Variants in CTNNAL1 observed in about 807,000 individuals in gnomAD.
CTNNAL1 encodes the protein catenin alpha like 1.
In CTNNAL1, 69 loss-of-function variants were observed where a neutral mutation model predicts 93.6. The ratio of observed to expected loss-of-function variants is 0.74; its 90% CI spans 0.61 to 0.90. The LOEUF is 0.90. Ranked by LOEUF, CTNNAL1 falls within the 40% of genes least tolerant of loss-of-function variation. The probability of loss-of-function intolerance (pLI) is 0.00; values close to 1 mark genes in which losing one functional copy is unlikely to be tolerated. For missense variants in CTNNAL1, 836 were observed against 862.0 expected (o/e 0.97, Z 0.38); for synonymous variants, 286 against 305.4 (o/e 0.94, Z 0.66).
intron 1 of CTNNAL1, among the ~76,000 whole-genome samples, chr9:109,001,358 G>A (rs1826821533): frequency 6.6e-6 from 1 of 152,060 alleles, no homozygotes; most frequent in Non-Finnish European, 1.5e-5. Context: ...TTTTAAGCAG[G>A]AAAGTGATAT....
intron 1 of CTNNAL1, among the ~76,000 whole-genome samples, chr9:109,000,210 C>T (rs1276987796): frequency 1.3e-5 from 2 of 152,138 alleles, no homozygotes; most frequent in African/African-American, 2.4e-5. Flanking sequence ...ATCTAAATTT[C>T]CTCAACTACA....
At position 108,955,302 on chromosome 9, in the gene CTNNAL1, T is replaced by G. The variant is rs78233487; in HGVS notation, c.1629+488A>C. Among the ~76,000 whole-genome samples, 213 of 152,216 alleles carry G rather than the reference T, an allele frequency of 1.4e-3. 1 individual carries two copies. The highest frequency in any genetic ancestry group is 4.8e-3 in the Admixed American group (74 of 15,284). Reference sequence around the variant, plus strand: ...TGCCCAGCCCACAATTTCCAATATTTTTGTCCCCCAAAAGGGATCTTGGGA... The same window carrying G: ...TGCCCAGCCCACAATTTCCAATATTGTTGTCCCCCAAAAGGGATCTTGGGA... On this transcript the variant is annotated intron_variant, in intron 12 of 18. Coordinates refer to ENST00000325551, the MANE Select transcript of CTNNAL1 (RefSeq NM_003798.4).
chr9:108,971,068 T>C (rs1831102655), intron 9 of CTNNAL1, among the ~76,000 whole-genome samples: 1 of 152,178 alleles, frequency 6.6e-6, no homozygotes, highest in East Asian at 1.9e-4. Flanking sequence ...GCAAGATTCC[T>C]AAAATAAGCA....
At chr9:108,999,002 A>T (rs1832126146) in intron 2 of CTNNAL1, 65 bp downstream of exon 2, 1 of 1,494,152 alleles carries the variant, frequency 6.7e-7, no homozygotes, top group African/African-American at 1.4e-5. Context: ...TAAATCAATA[A>T]TTTTTCATCA....
chr9:109,009,958 C>T (rs1010056729), intron 1 of CTNNAL1, among the ~76,000 whole-genome samples: 1 of 152,104 alleles, frequency 6.6e-6, no homozygotes, highest in Non-Finnish European at 1.5e-5. Context: ...GCAACATATT[C>T]TTAGGAAGCT....
At chr9:108,958,524 A>T (rs114145939) in intron 11 of CTNNAL1, among the ~76,000 whole-genome samples, 97 of 152,230 alleles carry the variant, frequency 6.4e-4, no homozygotes, top group African/African-American at 2.2e-3. Context: ...TACGAATTTG[A>T]GGATAATTGC....
intron 14 of CTNNAL1, chr9:108,950,568 T>C: frequency 6.5e-7 from 1 of 1,550,374 alleles, no homozygotes; most frequent in Non-Finnish European, 8.7e-7. Context: ...CCTCTAAGCT[T>C]GGGACTGCAT....
chr9:108,972,864 G>GGGGGGGGGGGGGCCCCCCCCCCCC, intron 8 of CTNNAL1, 31 bp from the exon 9 acceptor site: 3 of 142,552 alleles, frequency 2.1e-5, no homozygotes, highest in Non-Finnish European at 3.0e-5. Flanking sequence ...GGGGGGGTGG[G>GGGGGGGGGGGGGCCCCCCCCCCCC]AGGGTGGAGA....
Position 109,013,329 on chromosome 9 carries a change from C to T in CTNNAL1, c.114G>A (p.Glu38=). 2 of 1,514,754 alleles carry T rather than the reference C, an allele frequency of 1.3e-6. 1 individual carries two copies. Among genetic ancestry groups the T allele is most frequent in the South Asian group, 2.5e-5 (2 of 80,370 alleles). 93.8% of individuals were successfully genotyped at this position (1,514,754 alleles called of 1,614,324 possible). The part of the protein sequence containing the change: ...SGLEIKTRSV[E]QTLLPLVSQI... The stretch of plus-strand genomic sequence containing the variant: ...GAGAAACCAGCGGGAGTAGCGTCTG[C>T]TCCACCGAGCGAGTTTTGATCTCCA... The change falls in exon 1 of 19, where the codon GAG becomes GAA. Residue 38 remains glutamate, a synonymous_variant. Coordinates refer to ENST00000325551, the MANE Select transcript of CTNNAL1 (RefSeq NM_003798.4).
Position 108,990,619 on chromosome 9 carries a change from A to T in CTNNAL1, c.639+107T>A, listed in dbSNP as rs1352244130. Reference sequence around the variant, plus strand: ...AAGGCTTTCAAGACCAAGGCTATAGACTTAATAAGCAAAGAAACCAGTCCA... The same window carrying T: ...AAGGCTTTCAAGACCAAGGCTATAGTCTTAATAAGCAAAGAAACCAGTCCA... On this transcript the variant is annotated intron_variant, in intron 4 of 18. Transcript: ENST00000325551. The T allele has an allele frequency of 3.7e-6, 5 of 1,366,566 alleles. No individual in the cohort carries two copies. In the South Asian group the frequency reaches 6.2e-5, roughly 17 times the overall value. The allele number at this position is 1,366,566 out of a possible 1,614,324, so 84.7% of individuals were successfully genotyped here. A position where few individuals can be genotyped will look rare whatever the true frequency, so the allele number is the denominator to read the frequency against.
chr9:108,975,050 C>T (rs988408130), intron 8 of CTNNAL1, among the ~76,000 whole-genome samples: 2 of 152,062 alleles, frequency 1.3e-5, no homozygotes, highest in Non-Finnish European at 2.9e-5. Context: ...GTAATCCCAG[C>T]TACTCGGGAG....
Position 108,942,591 on chromosome 9 carries a change from AC to A in CTNNAL1, c.*177del. The A allele has an allele frequency of 3.5e-6, 2 of 573,550 alleles. No individual in the cohort carries two copies. The allele number at this position is 573,550 out of a possible 1,614,324, so 35.5% of individuals were successfully genotyped here. On this transcript the variant is annotated 3_prime_UTR_variant, in exon 19 of 19. Coordinates refer to ENST00000325551, the MANE Select transcript of CTNNAL1 (RefSeq NM_003798.4). ...CAATTAGAATCTAGCAATTACCAAG[AC>A]ATTTATTAGTTGTCAAAAAGCTTTA...
intron 4 of CTNNAL1, 135 bp downstream of exon 4, chr9:108,990,591 T>A (rs1307338297): frequency 2.8e-6 from 3 of 1,064,908 alleles, no homozygotes; most frequent in Non-Finnish European, 3.9e-6. Context: ...GGCTTATCTA[T>A]GAAAGGCTTT....
At chr9:108,972,342 T>A (rs1390826795) in intron 9 of CTNNAL1, among the ~76,000 whole-genome samples, 1 of 152,138 alleles carries the variant, frequency 6.6e-6, no homozygotes, top group Non-Finnish European at 1.5e-5. Context: ...TTTGAGTGTG[T>A]CATCTCCTCC....
At chr9:108,980,580 C>T (rs535349836) in intron 6 of CTNNAL1, among the ~76,000 whole-genome samples, 1 of 152,276 alleles carries the variant, frequency 6.6e-6, no homozygotes, top group Non-Finnish European at 1.5e-5. Context: ...CTTGCTTCCC[C>T]TCCTGCTCTT....
chr9:108,975,846 G>A (rs1273669097), intron 8 of CTNNAL1, among the ~76,000 whole-genome samples: 11 of 152,128 alleles, frequency 7.2e-5, no homozygotes, highest in Non-Finnish European at 1.5e-5. Flanking sequence ...CTCTACTGAC[G>A]AAAACGGTCC....
chr9:108,963,818 C>T (rs1234455347), intron 11 of CTNNAL1, among the ~76,000 whole-genome samples: 1 of 152,186 alleles, frequency 6.6e-6, no homozygotes, highest in Non-Finnish European at 1.5e-5. Context: ...CGAAAGTACA[C>T]TAACTTCAGG....
intron 5 of CTNNAL1, 131 bp from the exon 6 acceptor site, chr9:108,983,446 G>C: frequency 1.9e-6 from 2 of 1,045,886 alleles, no homozygotes; most frequent in Non-Finnish European, 2.5e-6. Flanking sequence ...GGCTCACTCA[G>C]CTGCTTCTCC....
intron 1 of CTNNAL1, among the ~76,000 whole-genome samples, chr9:108,999,574 C>A (rs1826714354): frequency 6.6e-6 from 1 of 152,192 alleles, no homozygotes; most frequent in African/African-American, 2.4e-5. Flanking sequence ...TAGATCATTA[C>A]ATTCAGAAAG....
Sources: gnomAD v4.1 joint callset for allele counts (sites outside exome capture counted in the v4.1 genomes callset) on GRCh38, gnomAD v4.1.1 for gene constraint, MANE v1.5 for transcripts, NCBI Gene and HGNC (gene_info 2026-07-23, HGNC 2026-07-21) for gene names.